CSMD2: variants seen among roughly 807,000 people sequenced by gnomAD.
CSMD2 encodes the protein CUB and sushi domain-containing protein 2.
CSMD2 carries 130 observed loss-of-function variants against 398.5 expected under a neutral mutation model. That is an observed-to-expected ratio of 0.33 (90% CI 0.28 to 0.38). The LOEUF (loss-of-function observed/expected upper bound fraction) is 0.38, where lower values mean the gene tolerates loss of function less well. CSMD2 is among the 10% of genes least tolerant of loss of function. The pLI is 1.00. For synonymous variants in CSMD2, 1,828 were observed against 1,908.5 expected, an observed-to-expected ratio of 0.96 and a Z score of 1.10; for missense variants, 3,829 against 4,764.9, an observed-to-expected ratio of 0.80 and a Z score of 5.78.
intron 1 of CSMD2, among the ~76,000 whole-genome samples, chr1:34,106,401 A>G (rs1162729726): frequency 6.6e-6 from 1 of 152,180 alleles, no homozygotes; most frequent in African/African-American, 2.4e-5. Flanking sequence ...CACCCTCATC[A>G]TATTACAGGT....
chr1:33,869,203 G>C (rs1312658967), intron 5 of CSMD2: 1 of 152,102 alleles, frequency 6.6e-6, no homozygotes, highest in Non-Finnish European at 1.5e-5. Flanking sequence ...ATCATTCTAG[G>C]GTCTTCAGAG....
chr1:33,883,938 G>A (rs1028053854), intron 5 of CSMD2, among the ~76,000 whole-genome samples: 35 of 152,278 alleles, frequency 2.3e-4, no homozygotes, highest in African/African-American at 8.2e-4. Context: ...TGGGCAGGGC[G>A]GGGCTGGGGT....
chr1:34,156,418 A>C lies in CSMD2; in HGVS notation c.187+8493T>G, dbSNP rs115561248. Among the ~76,000 whole-genome samples the C allele has an allele frequency of 6.8e-3, 1,037 of 152,332 alleles. 11 individuals carry two copies. The highest frequency in any genetic ancestry group is 0.011 in the Non-Finnish European group (745 of 68,040). On this transcript the variant is annotated intron_variant, in intron 1 of 70. Transcript: ENST00000373381. ...AGGGCCATCAATCATTCTGCACAAAATGTCTGCACATTCTCTCATAATATA... is the reference window on the plus strand; with the variant it reads ...AGGGCCATCAATCATTCTGCACAAACTGTCTGCACATTCTCTCATAATATA...
chr1:34,013,479 G>T (rs139101610), intron 3 of CSMD2, among the ~76,000 whole-genome samples: 57 of 152,300 alleles, frequency 3.7e-4, no homozygotes, highest in African/African-American at 1.3e-3. Context: ...CTGAGCTCCT[G>T]CTGGGAGCTG....
At chr1:34,127,729 C>T (rs1449007536) in intron 1 of CSMD2, among the ~76,000 whole-genome samples, 3 of 152,058 alleles carry the variant, frequency 2.0e-5, no homozygotes, top group South Asian at 2.1e-4. Flanking sequence ...GATGTGAGTT[C>T]GCAGTGGCAG....
chr1:33,850,750 A>T (rs930860740), intron 5 of CSMD2, among the ~76,000 whole-genome samples: 1 of 150,314 alleles, frequency 6.7e-6, no homozygotes, highest in Non-Finnish European at 1.5e-5. Flanking sequence ...ATTACACTCA[A>T]TTTTTTTTTT....
At position 33,935,789 on chromosome 1, in the gene CSMD2, G is replaced by A. The variant is rs777884398; in HGVS notation, c.683C>T (p.Thr228Met). Residue 228 changes from threonine to methionine, a missense_variant, in exon 4 of 71, where the codon ACG (threonine) becomes ATG (methionine). Thr to Met is a moderately conservative substitution (Grantham distance 81). Coordinates refer to ENST00000373381, the MANE Select transcript of CSMD2 (RefSeq NM_001281956.2). Reference sequence around the variant, plus strand: ...GCAGGAAGGCAGGGGGAAGTCCCACGTGGCGCTGTTCTCAGAGCCAGCGTG... The same window carrying A: ...GCAGGAAGGCAGGGGGAAGTCCCACATGGCGCTGTTCTCAGAGCCAGCGTG... ...TCHAGSENSA[T>M]WDFPLPSCRA... 10 of 1,611,764 alleles carry A rather than the reference G, an allele frequency of 6.2e-6. No individual in the cohort carries two copies. Among genetic ancestry groups the A allele is most frequent in the Admixed American group, 1.7e-5 (1 of 59,850 alleles).
chr1:33,622,083 C>T (rs1462955888), intron 37 of CSMD2, 84 bp downstream of exon 37: 1 of 974,800 alleles, frequency 1.0e-6, no homozygotes, highest in Admixed American at 1.7e-5. Context: ...TATGCAGCTC[C>T]AGTTTAATCC....
rs773431144 is a variant in CSMD2 at position 33,648,287 on chromosome 1, G to A, written c.4587-1452C>T. On this transcript the variant is annotated intron_variant, in intron 28 of 70. Transcript: ENST00000373381. ...TGAGGCAGGAGAATGGCATGAACCC[G>A]GGAGGTGGAGTTTGCAGTCAGCAGA... 9.2e-5 allele frequency among the ~76,000 whole-genome samples: 14 copies of A among 151,810 alleles called. No homozygotes were observed. In the East Asian group the frequency reaches 1.2e-3, roughly 13 times the overall value.
rs186834982 is a variant in CSMD2 at position 33,636,121 on chromosome 1, G to C, written c.4969+239C>G. Among the ~76,000 whole-genome samples the C allele has an allele frequency of 2.3e-4, 35 of 152,136 alleles. No homozygotes were observed. The highest frequency in any genetic ancestry group is 2.2e-3 in the Admixed American group (33 of 15,276). On this transcript the variant is annotated intron_variant, in intron 30 of 70. Transcript: ENST00000373381. This position sits in a 1 kb window ranked among gnomAD's most constrained non-coding sequence, Gnocchi z 4.8. Reference sequence around the variant, plus strand: ...CTGGGGGCCTCTGTTGAGGGCATGAGCATCTATGTGAATGGGGGTAGGGAC... The same window carrying C: ...CTGGGGGCCTCTGTTGAGGGCATGACCATCTATGTGAATGGGGGTAGGGAC...
At chr1:33,809,166 T>A (rs1369343288) in intron 10 of CSMD2, among the ~76,000 whole-genome samples, 3 of 151,996 alleles carry the variant, frequency 2.0e-5, no homozygotes, top group Non-Finnish European at 4.4e-5. Context: ...GAGGAAATAC[T>A]CTTCAAATCA....
intron 37 of CSMD2, among the ~76,000 whole-genome samples, chr1:33,618,555 A>T (rs1427344961): frequency 6.6e-6 from 1 of 151,952 alleles, no homozygotes; most frequent in Non-Finnish European, 1.5e-5. Context: ...TGACTTTTCA[A>T]ATTCAACCTG....
intron 45 of CSMD2, 73 bp downstream of exon 45, chr1:33,587,015 C>T (rs1220061755): frequency 8.2e-7 from 1 of 1,220,426 alleles, no homozygotes. Context: ...ACTGGCCCGA[C>T]AGCTCCCCCC....
In CSMD2 at chr1:33,624,998, A is replaced by G; in HGVS notation, c.5500+53T>C. On this transcript the variant is annotated intron_variant, in intron 34 of 70. Coordinates refer to ENST00000373381, the MANE Select transcript of CSMD2 (RefSeq NM_001281956.2). This position sits in a 1 kb window ranked among gnomAD's most constrained non-coding sequence, Gnocchi z 4.7. ...GGGCTGACTGCCTCCCCTACAGAGAAAGGACTACGTGCCGCCCCCCGCACC... is the reference window on the plus strand; with the variant it reads ...GGGCTGACTGCCTCCCCTACAGAGAGAGGACTACGTGCCGCCCCCCGCACC... 6.4e-7 allele frequency: 1 copy of G among 1,563,688 alleles called. No homozygotes were observed. The highest frequency in any genetic ancestry group is 8.8e-7 in the Non-Finnish European group (1 of 1,136,240).
At chr1:33,852,897 T>C (rs1638818143) in intron 5 of CSMD2, among the ~76,000 whole-genome samples, 1 of 152,220 alleles carries the variant, frequency 6.6e-6, no homozygotes, top group Non-Finnish European at 1.5e-5. Context: ...CACATTGCAA[T>C]GACAGAGTTA....
chr1:34,105,469 C>T (rs1030418816), intron 1 of CSMD2, among the ~76,000 whole-genome samples: 1 of 152,146 alleles, frequency 6.6e-6, no homozygotes, highest in Non-Finnish European at 1.5e-5. Context: ...GAATCACATA[C>T]ATAGGAAGCT....
intron 21 of CSMD2, 137 bp from the exon 22 acceptor site, chr1:33,709,395 A>T (rs1293200750): frequency 1.6e-4 from 111 of 681,990 alleles, no homozygotes; most frequent in Non-Finnish European, 1.5e-5. Context: ...GTGTCTGTCC[A>T]GTTGTTGGAC....
chr1:33,899,834 T>C (rs757433082), intron 5 of CSMD2, among the ~76,000 whole-genome samples: 6 of 152,186 alleles, frequency 3.9e-5, no homozygotes, highest in Non-Finnish European at 8.8e-5. Flanking sequence ...ACTTTCCCCA[T>C]GTGCCCTTCA....
chr1:34,029,303 G>A (rs1413598918), intron 3 of CSMD2, among the ~76,000 whole-genome samples: 1 of 152,058 alleles, frequency 6.6e-6, no homozygotes, highest in Admixed American at 6.5e-5. Flanking sequence ...AATTCCTTTT[G>A]ACTAGTGAAT....
Sources: gnomAD v4.1 joint callset for allele counts (sites outside exome capture counted in the v4.1 genomes callset) on GRCh38, gnomAD v4.1.1 for gene constraint, Gnocchi (gnomAD v3.1) non-coding constraint, MANE v1.5 for transcripts, NCBI Gene and HGNC (gene_info 2026-07-23, HGNC 2026-07-21) for gene names.